The following METTL8 variants were observed in gnomAD, a reference collection of about 807,000 sequenced individuals.
METTL8 encodes the protein tRNA N(3)-cytidine methyltransferase METTL8, mitochondrial.
Under a neutral mutation model 48.7 loss-of-function variants are expected in METTL8, and 32 were observed. The ratio of observed to expected loss-of-function variants is 0.66; its 90% confidence interval spans 0.50 to 0.88. METTL8 has a LOEUF of 0.88. Ranked by LOEUF, METTL8 falls within the 40% of genes least tolerant of loss-of-function variation. The probability of loss-of-function intolerance (pLI) is 0.00; values close to 1 mark genes in which losing one functional copy is unlikely to be tolerated. For synonymous variants in METTL8, 136 were observed against 157.1 expected, an observed-to-expected ratio of 0.87 and a Z score of 1.01; for missense variants, 464 against 474.4, an observed-to-expected ratio of 0.98 and a Z score of 0.20.
intron 2 of METTL8, among the ~76,000 whole-genome samples, chr2:171,368,601 T>G (rs1397764226): frequency 6.6e-6 from 1 of 152,198 alleles, no homozygotes; most frequent in Non-Finnish European, 1.5e-5. Flanking sequence ...TTAAATATTT[T>G]ATAATAAAAT....
chr2:171,344,208 T>G (rs1434064631), intron 3 of METTL8, among the ~76,000 whole-genome samples: 1 of 152,206 alleles, frequency 6.6e-6, no homozygotes, highest in Non-Finnish European at 1.5e-5. Flanking sequence ...CCCCATTTAA[T>G]CCTAGCAGTA....
Position 171,321,369 on chromosome 2 carries a change from A to G in METTL8, c.*2803T>C, listed in dbSNP as rs1684514500. ...CAGGCTCAAAAGATCCTCCCAGCTCAGCCTCCTGAGTAGCTGGGACAACAG... is the reference window on the plus strand; with the variant it reads ...CAGGCTCAAAAGATCCTCCCAGCTCGGCCTCCTGAGTAGCTGGGACAACAG... On this transcript the variant is annotated 3_prime_UTR_variant, in exon 10 of 10. Coordinates refer to ENST00000375258, the MANE Select transcript of METTL8 (RefSeq NM_001321154.2). 1 of 152,222 alleles carries G rather than the reference A, an allele frequency of 6.6e-6. No homozygotes were observed. The allele number at this position is 152,222 out of a possible 1,614,324, so 9.4% of individuals were successfully genotyped here. A position where few individuals can be genotyped will look rare whatever the true frequency, so the allele number is the denominator to read the frequency against.
At chr2:171,413,340 A>C (rs1236452053) in intron 1 of METTL8, among the ~76,000 whole-genome samples, 1 of 152,240 alleles carries the variant, frequency 6.6e-6, no homozygotes, top group East Asian at 1.9e-4. Flanking sequence ...CTTCACATAT[A>C]TCAACCAGAA....
At chr2:171,342,230 C>T (rs1686850436) in intron 3 of METTL8, among the ~76,000 whole-genome samples, 1 of 152,200 alleles carries the variant, frequency 6.6e-6, no homozygotes, top group Non-Finnish European at 1.5e-5. Flanking sequence ...AGACTTCCTT[C>T]CCATCAAGGC....
At chr2:171,348,236 A>C (rs1023622056) in intron 3 of METTL8, among the ~76,000 whole-genome samples, 1 of 152,176 alleles carries the variant, frequency 6.6e-6, no homozygotes, top group Non-Finnish European at 1.5e-5. Context: ...ACAGCTGATC[A>C]ATCTAGAAAC....
intron 2 of METTL8, among the ~76,000 whole-genome samples, chr2:171,390,496 T>A (rs1469066858): frequency 6.6e-6 from 1 of 152,234 alleles, no homozygotes; most frequent in Non-Finnish European, 1.5e-5. Context: ...CCAATCTACA[T>A]GCCATTAAGA....
At position 171,339,356 on chromosome 2, in the gene METTL8, T is replaced by G. The variant is rs757795211; in HGVS notation, c.434A>C (p.His145Pro). The G allele has an allele frequency of 6.2e-7, 1 of 1,613,296 alleles. No homozygotes were observed. The highest frequency in any genetic ancestry group is 1.1e-5 in the South Asian group (1 of 90,968). ...TTTTTCATCAGGCACAGTAGGACAGTGCATTCTTGAGAAACGATTTGTAGC... is the reference window on the plus strand; with the variant it reads ...TTTTTCATCAGGCACAGTAGGACAGGGCATTCTTGAGAAACGATTTGTAGC... Reference protein sequence around the residue: ...TSATNRFSRMHCPTVPDEKNH... With the variant: ...TSATNRFSRMPCPTVPDEKNH... Residue 145 changes from histidine (H) to proline (P), a missense_variant, in exon 4 of 10, where the codon CAC becomes CCC. Transcript: ENST00000375258.
intron 1 of METTL8, among the ~76,000 whole-genome samples, chr2:171,421,053 A>T (rs1425452180): frequency 6.6e-6 from 1 of 152,214 alleles, no homozygotes; most frequent in African/African-American, 2.4e-5. Context: ...GGACAGTCAG[A>T]AAGGAAAGAG....
intron 1 of METTL8, among the ~76,000 whole-genome samples, chr2:171,417,113 T>G (rs1164631906): frequency 6.6e-6 from 1 of 152,186 alleles, no homozygotes; most frequent in Non-Finnish European, 1.5e-5. Context: ...AAAATTAACT[T>G]AGAATTTCTA....
At chr2:171,383,176 G>C (rs1225810840) in intron 2 of METTL8, among the ~76,000 whole-genome samples, 2 of 152,128 alleles carry the variant, frequency 1.3e-5, no homozygotes, top group African/African-American at 4.8e-5. Context: ...GGAATCAGAT[G>C]ATAAGTATAA....
intron 2 of METTL8, among the ~76,000 whole-genome samples, chr2:171,387,430 T>C (rs1033474498): frequency 6.6e-6 from 1 of 151,998 alleles, no homozygotes; most frequent in Admixed American, 6.6e-5. Flanking sequence ...CTCAGGAGGC[T>C]GAGGCAGGAG....
intron 3 of METTL8, among the ~76,000 whole-genome samples, chr2:171,343,679 C>G (rs1687001628): frequency 6.6e-6 from 1 of 152,250 alleles, no homozygotes; most frequent in Middle Eastern, 3.4e-3. Flanking sequence ...TAGCTGAATT[C>G]TTCATTCAAA....
chr2:171,352,389 C>T (rs1684035234), intron 3 of METTL8, among the ~76,000 whole-genome samples: 1 of 152,242 alleles, frequency 6.6e-6, no homozygotes. Flanking sequence ...ATTTTCACAT[C>T]AATGTTCATC....
At chr2:171,399,775 CT>C (rs1014290163) in intron 1 of METTL8, among the ~76,000 whole-genome samples, 7 of 151,840 alleles carry the variant, frequency 4.6e-5, no homozygotes, top group African/African-American at 7.3e-5. Context: ...TTGAGTAATA[CT>C]TTTTTTTAAA....
intron 7 of METTL8, among the ~76,000 whole-genome samples, chr2:171,330,250 G>C (rs773490895): frequency 6.6e-6 from 1 of 152,162 alleles, no homozygotes; most frequent in Non-Finnish European, 1.5e-5. Context: ...TCCCTCTTGG[G>C]AGTCTATTAG....
At chr2:171,369,237 C>T (rs1042350639) in intron 2 of METTL8, among the ~76,000 whole-genome samples, 12 of 152,140 alleles carry the variant, frequency 7.9e-5, no homozygotes, top group African/African-American at 2.4e-4. Flanking sequence ...ACCCGGCAGG[C>T]GGGGCTTGCA....
At chr2:171,403,405 T>C (rs1022538559) in intron 1 of METTL8, among the ~76,000 whole-genome samples, 1 of 152,090 alleles carries the variant, frequency 6.6e-6, no homozygotes, top group Non-Finnish European at 1.5e-5. Flanking sequence ...CTATAAAATA[T>C]GACTAATACT....
At chr2:171,335,223 T>C (rs1685960232) in intron 5 of METTL8, among the ~76,000 whole-genome samples, 2 of 152,160 alleles carry the variant, frequency 1.3e-5, no homozygotes, top group Admixed American at 1.3e-4. Flanking sequence ...AACTGGTTAT[T>C]AAATGATAGT....
intron 3 of METTL8, among the ~76,000 whole-genome samples, chr2:171,357,235 A>C (rs1684684313): frequency 6.6e-6 from 1 of 152,132 alleles, no homozygotes; most frequent in Admixed American, 6.5e-5. Context: ...CTGGGATTAC[A>C]GGCGTAAGCC....
Sources: gnomAD v4.1 joint callset for allele counts (sites outside exome capture counted in the v4.1 genomes callset) on GRCh38, gnomAD v4.1.1 for gene constraint, MANE v1.5 for transcripts, NCBI Gene and HGNC (gene_info 2026-07-23, HGNC 2026-07-21) for gene names.